Variants in LY75 observed in about 807,000 individuals in gnomAD.
LY75 encodes lymphocyte antigen 75, also known as C-type lectin domain family 13 member B.
In LY75, 185 loss-of-function variants were observed where a neutral mutation model predicts 231.7. The ratio of observed to expected loss-of-function variants is 0.80; its 90% CI spans 0.71 to 0.90. The LOEUF (loss-of-function observed/expected upper bound fraction) is 0.90. Ranked by LOEUF, LY75 falls within the 40% of genes least tolerant of loss-of-function variation. The pLI, the probability that LY75 is intolerant of heterozygous loss-of-function variation, is 0.00. For synonymous variants in LY75, 668 were observed against 689.0 expected, an observed-to-expected ratio of 0.97 and a Z score of 0.48; for missense variants, 1,947 against 2,050.2, an observed-to-expected ratio of 0.95 and a Z score of 0.97.
At position 159,841,487 on chromosome 2, in the gene LY75, C is replaced by A. The variant is rs1025144840; in HGVS notation, c.3281-532G>T. Among the ~76,000 whole-genome samples the A allele has an allele frequency of 8.5e-4, 129 of 152,084 alleles. 1 individual carries two copies. Among genetic ancestry groups the A allele is most frequent in the Non-Finnish European group, 1.5e-3 (99 of 67,982 alleles). On this transcript the variant is annotated intron_variant, in intron 24 of 34. Coordinates refer to ENST00000263636, the MANE Select transcript of LY75 (RefSeq NM_002349.4). ...ACATGAGATATCTACTTACAGTTCT[C>A]ATTATATGACAAAATTTTTTCTTGA...
intron 19 of LY75, 116 bp from the exon 20 acceptor site, chr2:159,853,468 C>T (rs1479028277): frequency 2.0e-6 from 3 of 1,467,302 alleles, no homozygotes; most frequent in Non-Finnish European, 2.8e-6. Flanking sequence ...ACTCTATACC[C>T]CTTTTTTCTT....
chr2:159,804,908 C>T lies in LY75; in HGVS notation c.*136G>A. On this transcript the variant is annotated 3_prime_UTR_variant, in exon 35 of 35. Transcript: ENST00000263636. ...AGGGAATTAACTGTGGATACCAGCA[C>T]ATGCCTAAGATCTAAACAACTGAAA... 1 of 625,978 alleles carries T rather than the reference C, an allele frequency of 1.6e-6. No homozygotes were observed. The highest frequency in any genetic ancestry group is 2.9e-5 in the East Asian group (1 of 34,318). 38.8% of individuals were successfully genotyped at this position (625,978 alleles called of 1,614,324 possible).
chr2:159,827,961 T>TA (rs1683527189), intron 28 of LY75, among the ~76,000 whole-genome samples: 1 of 150,834 alleles, frequency 6.6e-6, no homozygotes, highest in Non-Finnish European at 1.5e-5. Flanking sequence ...TGTCGGGGGG[T>TA]AGGGGGCTAG....
At chr2:159,887,969 G>A (rs79915655) in intron 4 of LY75, among the ~76,000 whole-genome samples, 8,309 of 152,044 alleles carry the variant, frequency 0.055, 539 homozygotes, top group African/African-American at 0.16. Flanking sequence ...CTTTTCATTC[G>A]CAACAATATT....
intron 23 of LY75, among the ~76,000 whole-genome samples, chr2:159,844,896 G>A (rs1460851932): frequency 2.6e-5 from 4 of 151,796 alleles, no homozygotes; most frequent in African/African-American, 9.7e-5. Context: ...CAGTACCCAG[G>A]AGGTAGTTTT....
In LY75 at chr2:159,815,415, T is replaced by C; in HGVS notation, c.4539A>G (p.Lys1513=). Residue 1513 remains lysine (K), a synonymous_variant, in exon 31 of 35, where the codon AAA becomes AAG. Transcript: ENST00000263636. ...AAATTGAAGTCTTACATTTTGTAGG[T>C]TTATAACAAATAGCACCATCCTTAA... is the stretch of plus-strand genomic sequence containing the variant. ...NSVKDGAICY[K]PTKSKKLSRL... 6.3e-7 allele frequency: 1 copy of C among 1,599,990 alleles called. No individual in the cohort carries two copies. Among genetic ancestry groups the C allele is most frequent in the Non-Finnish European group, 8.5e-7 (1 of 1,176,216 alleles).
chr2:159,903,902 G>T (rs1485374308), intron 1 of LY75, among the ~76,000 whole-genome samples: 1 of 152,238 alleles, frequency 6.6e-6, no homozygotes, highest in Non-Finnish European at 1.5e-5. Context: ...AGAGGCAGCA[G>T]GTCCCCAAGC....
At chr2:159,858,232 A>G in intron 16 of LY75, 130 bp downstream of exon 16, 1 of 1,160,474 alleles carries the variant, frequency 8.6e-7, no homozygotes, top group Admixed American at 3.2e-5. Context: ...TGCTCCACAT[A>G]TTAATTGCAT....
chr2:159,850,565 G>A (rs918498499), intron 21 of LY75, 98 bp from the exon 22 acceptor site: 20 of 1,498,426 alleles, frequency 1.3e-5, no homozygotes, highest in African/African-American at 2.8e-5. Flanking sequence ...GCTAATTTTC[G>A]GTCTGTGAGA....
intron 3 of LY75, among the ~76,000 whole-genome samples, chr2:159,891,678 G>A (rs1477283049): frequency 6.6e-6 from 1 of 152,180 alleles, no homozygotes; most frequent in African/African-American, 2.4e-5. Flanking sequence ...GGAGGCTAAA[G>A]GCACCAAGAT....
rs17827158 is a variant in LY75, at chr2:159,819,839, T to C, written c.4040A>G (p.Lys1347Arg). The part of the protein sequence containing the change: ...RAGRPTIKNE[K>R]FLAGLSTDGF... ...GTCAGTACTTAAACCAGCCAAAAAC[T>C]TCTCATTTTTTATAGTTGGTCTTCC... The change falls in exon 29 of 35, where the codon AAG becomes AGG. Residue 1347 changes from lysine (K) to arginine (R), a missense_variant. Physicochemically the swap from Lys to Arg is conservative, Grantham distance 26 (BLOSUM62 2). Transcript: ENST00000263636. The C allele has an allele frequency of 0.1, 161,237 of 1,613,856 alleles. 9,030 individuals are homozygous for C. The highest frequency in any genetic ancestry group is 0.16 in the South Asian group (14,435 of 91,028).
At chr2:159,849,216 T>C (rs1198466002) in intron 23 of LY75, among the ~76,000 whole-genome samples, 1 of 152,234 alleles carries the variant, frequency 6.6e-6, no homozygotes, top group African/African-American at 2.4e-5. Context: ...AGTTGATTAC[T>C]GTCTAAGACA....
chr2:159,872,951 G>T (rs1685060668), intron 12 of LY75, among the ~76,000 whole-genome samples: 1 of 152,132 alleles, frequency 6.6e-6, no homozygotes. Context: ...AGTAGCCTTT[G>T]GCAAAGAAAT....
At position 159,807,106 on chromosome 2, in the gene LY75, C is replaced by T. The variant is rs114074602; in HGVS notation, c.4857G>A (p.Val1619=). 1.2e-5 allele frequency: 19 copies of T among 1,613,786 alleles called. No individual in the cohort carries two copies. In the East Asian group the frequency reaches 4.2e-4, roughly 36 times the overall value. Reference sequence around the variant, plus strand: ...TTTTATTTTCCCATTTGACAAATGTCACTTCTGATCCATCTAACCAACTCC... The same window carrying T: ...TTTTATTTTCCCATTTGACAAATGTTACTTCTGATCCATCTAACCAACTCC... ...QSWSWLDGSE[V]TFVKWENKSK... The change falls in exon 34 of 35, where the codon GTG becomes GTA. Residue 1619 remains valine (V), a synonymous_variant. Transcript: ENST00000263636.
chr2:159,872,323 A>C (rs1685038940), intron 13 of LY75, 128 bp downstream of exon 13: 9 of 1,246,888 alleles, frequency 7.2e-6, no homozygotes, highest in African/African-American at 1.5e-5. Context: ...CTAAGCACCA[A>C]ATGACCTTTT....
intron 1 of LY75, among the ~76,000 whole-genome samples, chr2:159,900,662 C>T (rs971334132): frequency 2.6e-5 from 4 of 152,232 alleles, no homozygotes; most frequent in South Asian, 2.1e-4. Context: ...AATTAAGTCT[C>T]ACTGCAGCTT....
intron 28 of LY75, among the ~76,000 whole-genome samples, chr2:159,823,761 C>T (rs1683373827): frequency 6.6e-6 from 1 of 152,204 alleles, no homozygotes; most frequent in South Asian, 2.1e-4. Flanking sequence ...CCTGCAGAAA[C>T]TTTACAAGCC....
chr2:159,880,964 C>T, intron 8 of LY75, 119 bp downstream of exon 8: 1 of 1,263,942 alleles, frequency 7.9e-7, no homozygotes, highest in South Asian at 1.5e-5. Context: ...GTACCCTGAT[C>T]CAGAGTGCTC....
chr2:159,824,214 C>G (rs1368521585), intron 28 of LY75, among the ~76,000 whole-genome samples: 1 of 152,082 alleles, frequency 6.6e-6, no homozygotes, highest in Non-Finnish European at 1.5e-5. Context: ...GTTCAGGAGA[C>G]CCACCTCATG....
Sources: gnomAD v4.1 joint callset for allele counts (sites outside exome capture counted in the v4.1 genomes callset) on GRCh38, gnomAD v4.1.1 for gene constraint, MANE v1.5 for transcripts, NCBI Gene and HGNC (gene_info 2026-07-23, HGNC 2026-07-21) for gene names.